Variants in FRK observed in about 807,000 individuals in gnomAD.
FRK encodes fyn related Src family tyrosine kinase.
FRK carries 51 observed loss-of-function variants against 56.4 expected under a neutral mutation model. The ratio of observed to expected loss-of-function variants is 0.90; its 90% CI spans 0.72 to 1.14. FRK has a LOEUF of 1.14. FRK is among the 50% of genes most tolerant of loss of function. The probability of loss-of-function intolerance (pLI) is 0.00; values close to 1 mark genes in which losing one functional copy is unlikely to be tolerated. For synonymous variants in FRK, 245 were observed against 217.9 expected (o/e 1.12, Z -1.10); for missense variants, 570 against 601.4 (o/e 0.95, Z 0.55).
intron 2 of FRK, among the ~76,000 whole-genome samples, chr6:115,998,970 C>G (rs1774944971): frequency 6.6e-6 from 1 of 152,128 alleles, no homozygotes; most frequent in Non-Finnish European, 1.5e-5. Flanking sequence ...AGAGTTGTCT[C>G]AAGTAAAATC....
intron 1 of FRK, among the ~76,000 whole-genome samples, chr6:116,005,052 G>A (rs1414842941): frequency 6.6e-6 from 1 of 152,096 alleles, no homozygotes; most frequent in South Asian, 2.1e-4. Flanking sequence ...ACAGGTAATG[G>A]GTATTAGAGA....
chr6:116,056,806 G>A (rs1045981919), intron 1 of FRK, among the ~76,000 whole-genome samples: 5 of 152,204 alleles, frequency 3.3e-5, no homozygotes, highest in South Asian at 4.1e-4. Flanking sequence ...AATTCAAGTC[G>A]AAGATAAGAT....
intron 1 of FRK, among the ~76,000 whole-genome samples, chr6:116,047,060 T>A (rs924351222): frequency 6.6e-6 from 1 of 150,752 alleles, no homozygotes; most frequent in Non-Finnish European, 1.5e-5. Flanking sequence ...TATATACATA[T>A]ATATATATTT....
intron 4 of FRK, among the ~76,000 whole-genome samples, chr6:115,961,465 C>T: frequency 8.8e-6 from 1 of 113,668 alleles, no homozygotes; most frequent in Non-Finnish European, 1.8e-5. Flanking sequence ...AGTTGGAAAA[C>T]ACTCTGCAGG....
Position 116,059,880 on chromosome 6 carries a change from A to T in FRK, c.344+88T>A, listed in dbSNP as rs924164391. On this transcript the variant is annotated intron_variant, in intron 1 of 7. Coordinates refer to ENST00000606080, the MANE Select transcript of FRK (RefSeq NM_002031.3). ...ATACTTTTTAGGCAACTCTTTGGAC[A>T]TTAGGGGGTTGTAGAGAAGTAGAAA... 7.0e-6 allele frequency: 8 copies of T among 1,137,602 alleles called. No individual in the cohort carries two copies. In the African/African-American group the frequency reaches 9.3e-5, roughly 13 times the overall value. 70.5% of individuals were successfully genotyped at this position (1,137,602 alleles called of 1,614,324 possible). A position where few individuals can be genotyped will look rare whatever the true frequency, so the allele number is the denominator to read the frequency against.
chr6:116,034,311 C>T (rs767703015), intron 1 of FRK, among the ~76,000 whole-genome samples: 20 of 151,972 alleles, frequency 1.3e-4, no homozygotes, highest in Non-Finnish European at 2.9e-4. Context: ...CCAATTACCC[C>T]GACTTGATCA....
At chr6:116,019,047 G>A (rs1341373512) in intron 1 of FRK, among the ~76,000 whole-genome samples, 1 of 152,118 alleles carries the variant, frequency 6.6e-6, no homozygotes, top group Non-Finnish European at 1.5e-5. Flanking sequence ...TTCTTTGGAT[G>A]GCAAGGCAAG....
At position 115,958,820 on chromosome 6, in the gene FRK, A is replaced by G. The variant is rs3049958; in HGVS notation, c.800-2210T>C. ...AGAAAAAGAAAGAAAGAAAGAAAGAAAAAGAAAGAAAGAAAGAAAGAGAAA... is the reference window on the plus strand; with the variant it reads ...AGAAAAAGAAAGAAAGAAAGAAAGAGAAAGAAAGAAAGAAAGAAAGAGAAA... On this transcript the variant is annotated intron_variant, in intron 4 of 7. Coordinates refer to ENST00000606080, the MANE Select transcript of FRK (RefSeq NM_002031.3). Among the ~76,000 whole-genome samples, 565 of 132,686 alleles carry G rather than the reference A, an allele frequency of 4.3e-3. 34 individuals are homozygous for G. The highest frequency in any genetic ancestry group is 0.011 in the Middle Eastern group (3 of 270). 87.0% of individuals were successfully genotyped at this position (132,686 alleles called of 152,430 possible). A position where few individuals can be genotyped will look rare whatever the true frequency, so the allele number is the denominator to read the frequency against.
At position 115,996,547 on chromosome 6, in the gene FRK, T is replaced by C. The variant is rs538885117; in HGVS notation, c.466+7330A>G. On this transcript the variant is annotated intron_variant, in intron 2 of 7. Transcript: ENST00000606080. ...TGACCTGTCAAGGTGTGAAATTGTCTTTCTAAAATAAGTCTGAAACACAGC... is the reference window on the plus strand; with the variant it reads ...TGACCTGTCAAGGTGTGAAATTGTCCTTCTAAAATAAGTCTGAAACACAGC... Among the ~76,000 whole-genome samples the C allele has an allele frequency of 2.0e-5, 3 of 152,264 alleles. No homozygotes were observed. In the South Asian group the frequency reaches 6.2e-4, roughly 32 times the overall value.
chr6:115,987,391 T>C (rs887106330), intron 2 of FRK, among the ~76,000 whole-genome samples: 1 of 152,072 alleles, frequency 6.6e-6, no homozygotes, highest in Non-Finnish European at 1.5e-5. Context: ...ATACTCTTAA[T>C]GGGAGAACCC....
chr6:115,999,833 T>C (rs1774986623), intron 2 of FRK, among the ~76,000 whole-genome samples: 2 of 152,216 alleles, frequency 1.3e-5, no homozygotes, highest in South Asian at 2.1e-4. Flanking sequence ...TTCTCCTGTA[T>C]AGCCTTCCCT....
At chr6:115,983,869 A>G (rs901354377) in intron 2 of FRK, among the ~76,000 whole-genome samples, 3 of 151,998 alleles carry the variant, frequency 2.0e-5, no homozygotes, top group African/African-American at 2.4e-5. Context: ...GTCCCCTTTA[A>G]AGCTCTTCAA....
chr6:115,943,680 A>G (rs1471238718), intron 6 of FRK, among the ~76,000 whole-genome samples: 1 of 152,146 alleles, frequency 6.6e-6, no homozygotes, highest in Non-Finnish European at 1.5e-5. Context: ...TGATGAATTC[A>G]TGAAGATTAA....
chr6:115,943,489 C>CA (rs35923228), intron 6 of FRK, among the ~76,000 whole-genome samples: 4,192 of 58,746 alleles, frequency 0.071, 98 homozygotes, highest in African/African-American at 0.12. Flanking sequence ...TGGTCTTGAG[C>CA]AAAAAAAAAA....
At chr6:116,016,356 A>G (rs910010466) in intron 1 of FRK, among the ~76,000 whole-genome samples, 1 of 152,230 alleles carries the variant, frequency 6.6e-6, no homozygotes, top group African/African-American at 2.4e-5. Flanking sequence ...AGCATGAAGA[A>G]AAGAGAAATA....
chr6:115,944,123 G>C (rs1772320551), intron 6 of FRK, 121 bp downstream of exon 6: 1 of 748,088 alleles, frequency 1.3e-6, no homozygotes, highest in Non-Finnish European at 2.1e-6. Context: ...TACTGAAGTA[G>C]TTTATGGACT....
At position 115,953,178 on chromosome 6, in the gene FRK, C is replaced by CCT. The variant is rs1772840297; in HGVS notation, c.958+3273_958+3274insAG. 2.8e-5 allele frequency among the ~76,000 whole-genome samples: 3 copies of CCT among 106,998 alleles called. 1 individual carries two copies. The highest frequency in any genetic ancestry group is 7.3e-4 in the East Asian group (2 of 2,750). 70.2% of individuals were successfully genotyped at this position (106,998 alleles called of 152,430 possible). A position where few individuals can be genotyped will look rare whatever the true frequency, so the allele number is the denominator to read the frequency against. ...TAAGAGTGGTACATCCATTTTAAGG[C>CCT]CATTTTTTTTTTTTTTTTTTTTTTT... is the stretch of plus-strand genomic sequence containing the variant. On this transcript the variant is annotated intron_variant, in intron 5 of 7. Coordinates refer to ENST00000606080, the MANE Select transcript of FRK (RefSeq NM_002031.3).
At chr6:115,966,487 C>T (rs969467490) in intron 4 of FRK, among the ~76,000 whole-genome samples, 2 of 152,138 alleles carry the variant, frequency 1.3e-5, no homozygotes, top group African/African-American at 4.8e-5. Flanking sequence ...ACCATGGTGC[C>T]CCCATGAGCC....
rs550480 is a variant in FRK, at chr6:115,943,191, C to A, written c.1141-6G>T. 0.66 allele frequency: 1,052,955 copies of A among 1,593,272 alleles called. 353,193 individuals carry two copies. Among genetic ancestry groups the A allele is most frequent in the East Asian group, 0.97 (42,891 of 44,216 alleles). On this transcript the variant is annotated splice_polypyrimidine_tract_variant and splice_region_variant and intron_variant, in intron 6 of 7. Coordinates refer to ENST00000606080, the MANE Select transcript of FRK (RefSeq NM_002031.3). ...TAGATGTCTTCATTATCTACCTGTT[C>A]ATGTATTAAGGAATCAGGCCGAGTT...
Sources: gnomAD v4.1 joint callset for allele counts (sites outside exome capture counted in the v4.1 genomes callset) on GRCh38, gnomAD v4.1.1 for gene constraint, MANE v1.5 for transcripts, NCBI Gene and HGNC (gene_info 2026-07-23, HGNC 2026-07-21) for gene names.